The following FAM107B variants were observed in gnomAD, a reference collection of about 807,000 sequenced individuals.
FAM107B encodes the protein family with sequence similarity 107 member B.
A neutral mutation model predicts 31.5 loss-of-function variants in FAM107B; 21 were observed. The ratio of observed to expected loss-of-function variants is 0.67; its 90% CI spans 0.47 to 0.96. FAM107B has a LOEUF of 0.96. Ranked by LOEUF, FAM107B falls within the 40% of genes least tolerant of loss-of-function variation. The pLI is 0.00. For missense variants in FAM107B, 452 were observed against 377.1 expected, an observed-to-expected ratio of 1.20 and a Z score of -1.64; for synonymous variants, 157 against 141.5, an observed-to-expected ratio of 1.11 and a Z score of -0.78.
chr10:14,686,700 T>C (rs1564625724), intron 1 of FAM107B, among the ~76,000 whole-genome samples: 1 of 152,212 alleles, frequency 6.6e-6, no homozygotes, highest in Non-Finnish European at 1.5e-5. Context: ...CCTCTTTTCC[T>C]GAGGCTTGAG....
chr10:14,610,028 G>A (rs1852688115), intron 2 of FAM107B, among the ~76,000 whole-genome samples: 1 of 152,140 alleles, frequency 6.6e-6, no homozygotes, highest in Admixed American at 6.5e-5. Context: ...AAAACAATAG[G>A]GAAAGGAAAA....
chr10:14,709,474 G>A (rs1283786864), intron 1 of FAM107B, among the ~76,000 whole-genome samples: 1 of 152,146 alleles, frequency 6.6e-6, no homozygotes, highest in East Asian at 1.9e-4. Context: ...GGAAACTCCA[G>A]TTTTTATAAC....
chr10:14,585,990 C>G (rs917187910), intron 2 of FAM107B, among the ~76,000 whole-genome samples: 8 of 152,182 alleles, frequency 5.3e-5, no homozygotes, highest in African/African-American at 9.7e-5. Context: ...CCACTAACTG[C>G]TGACCCTGGA....
intron 1 of FAM107B, among the ~76,000 whole-genome samples, chr10:14,753,491 A>G (rs1832869399): frequency 6.6e-6 from 1 of 152,212 alleles, no homozygotes; most frequent in Non-Finnish European, 1.5e-5. Context: ...CACAATATAC[A>G]GGAAGAACTT....
Position 14,659,753 on chromosome 10 carries a change from C to T in FAM107B, c.469+7881G>A, listed in dbSNP as rs372011191. ...GTCTGAATTGTCAGAAAATGGGTCT[C>T]GTTTTGTCACCTCCTAAGATGCCCA... On this transcript the variant is annotated intron_variant, in intron 2 of 4. Coordinates refer to ENST00000181796, the MANE Select transcript of FAM107B (RefSeq NM_031453.4). 2.0e-4 allele frequency among the ~76,000 whole-genome samples: 30 copies of T among 152,278 alleles called. No individual in the cohort carries two copies. The South Asian group carries it at 3.7e-3, about 19-fold the overall frequency.
chr10:14,547,088 G>T (rs1848761349), intron 2 of FAM107B, among the ~76,000 whole-genome samples: 1 of 152,114 alleles, frequency 6.6e-6, no homozygotes, highest in Non-Finnish European at 1.5e-5. Context: ...AAATCACCCA[G>T]TCCAACAACA....
At chr10:14,663,887 C>CAAAAAAAAAAAAAAAAAAAAAAAAA in intron 2 of FAM107B, among the ~76,000 whole-genome samples, 1 of 80,384 alleles carries the variant, frequency 1.2e-5, no homozygotes, top group Non-Finnish European at 2.1e-5. Flanking sequence ...GATCATCAGC[C>CAAAAAAAAAAAAAAAAAAAAAAAAA]AAAAAAAAAA....
At position 14,692,513 on chromosome 10, in the gene FAM107B, C is replaced by G. The variant is rs1031903924; in HGVS notation, c.412-24822G>C. ...ATAAACGGTTGTAAATTTAAAGTAC[C>G]TCATAAATTCTGGAGAATTCATATT... On this transcript the variant is annotated intron_variant, in intron 1 of 4. Transcript: ENST00000181796. Among the ~76,000 whole-genome samples, 3 of 152,100 alleles carry G rather than the reference C, an allele frequency of 2.0e-5. No individual in the cohort carries two copies. In the South Asian group the frequency reaches 6.2e-4, roughly 31 times the overall value.
intron 1 of FAM107B, among the ~76,000 whole-genome samples, chr10:14,687,521 A>G (rs966140965): frequency 1.4e-4 from 22 of 152,228 alleles, no homozygotes; most frequent in Middle Eastern, 3.4e-3. Context: ...CACCTTGTAC[A>G]CAGTGATCAC....
chr10:14,624,495 G>T (rs1853101860), intron 2 of FAM107B, among the ~76,000 whole-genome samples: 2 of 152,116 alleles, frequency 1.3e-5, no homozygotes, highest in African/African-American at 2.4e-5. Flanking sequence ...AATACGCCAG[G>T]TGTGGTGGTG....
intron 2 of FAM107B, among the ~76,000 whole-genome samples, chr10:14,625,457 T>C (rs1036433663): frequency 9.9e-5 from 15 of 152,114 alleles, no homozygotes; most frequent in Non-Finnish European, 2.9e-5. Flanking sequence ...ATGAAGCCTT[T>C]GTAACTGCTC....
intron 1 of FAM107B, among the ~76,000 whole-genome samples, chr10:14,750,509 GC>G (rs747178951): frequency 3.4e-4 from 51 of 152,178 alleles, no homozygotes; most frequent in Admixed American, 7.2e-4. Context: ...CTACTCGGGA[GC>G]CTGAGGCGGG....
chr10:14,740,200 A>G (rs574574013), intron 1 of FAM107B, among the ~76,000 whole-genome samples: 13 of 152,242 alleles, frequency 8.5e-5, no homozygotes, highest in Non-Finnish European at 1.5e-4. Flanking sequence ...ACTTGGAACC[A>G]ACCAAGATGT....
At chr10:14,651,152 T>G (rs1468315633) in intron 2 of FAM107B, among the ~76,000 whole-genome samples, 8 of 152,220 alleles carry the variant, frequency 5.3e-5, no homozygotes, top group African/African-American at 1.7e-4. Context: ...CTTGACAACT[T>G]TAGCTAGTAT....
intron 1 of FAM107B, among the ~76,000 whole-genome samples, chr10:14,676,209 A>G (rs907601822): frequency 2.0e-5 from 3 of 152,164 alleles, no homozygotes; most frequent in Non-Finnish European, 4.4e-5. Context: ...GCAGCATCTA[A>G]TTACACATTT....
chr10:14,693,040 C>G (rs1855179336), intron 1 of FAM107B, among the ~76,000 whole-genome samples: 1 of 152,218 alleles, frequency 6.6e-6, no homozygotes, highest in African/African-American at 2.4e-5. Flanking sequence ...TTGGAGTAAT[C>G]AACCAAGTCA....
At chr10:14,665,998 G>A (rs1854395432) in intron 2 of FAM107B, among the ~76,000 whole-genome samples, 1 of 152,132 alleles carries the variant, frequency 6.6e-6, no homozygotes, top group Non-Finnish European at 1.5e-5. Flanking sequence ...CAGTAAGAGA[G>A]TGTCTTGCCC....
chr10:14,705,156 A>G (rs932616238), intron 1 of FAM107B, among the ~76,000 whole-genome samples: 3 of 152,206 alleles, frequency 2.0e-5, no homozygotes, highest in African/African-American at 4.8e-5. Context: ...TCAAAACCAC[A>G]ATGAGATACG....
intron 1 of FAM107B, among the ~76,000 whole-genome samples, chr10:14,717,814 G>T (rs1192175007): frequency 6.6e-6 from 1 of 152,008 alleles, no homozygotes; most frequent in Non-Finnish European, 1.5e-5. Flanking sequence ...CAATCAAGTC[G>T]ACACCTAATA....
Sources: gnomAD v4.1 joint callset for allele counts (sites outside exome capture counted in the v4.1 genomes callset) on GRCh38, gnomAD v4.1.1 for gene constraint, MANE v1.5 for transcripts, NCBI Gene and HGNC (gene_info 2026-07-23, HGNC 2026-07-21) for gene names.